The following CCNF variants were observed in gnomAD, a reference collection of about 807,000 sequenced individuals.
The protein encoded by CCNF is cyclin-F.
CCNF carries 30 observed loss-of-function variants against 85.4 expected under a neutral mutation model. The observed-to-expected ratio is 0.35, with a 90% CI of 0.26 to 0.48. The LOEUF (loss-of-function observed/expected upper bound fraction) is 0.48, where lower values mean the gene tolerates loss of function less well. CCNF is among the 20% of genes least tolerant of loss of function. The pLI, the probability that CCNF is intolerant of heterozygous loss-of-function variation, is 0.99. For missense variants in CCNF, 919 were observed against 1,010.4 expected (o/e 0.91, Z 1.23); for synonymous variants, 439 against 425.1 (o/e 1.03, Z -0.40).
In CCNF at chr16:2,453,167, T is replaced by TGG. The variant is rs758532080; in HGVS notation, c.1488-39_1488-38dup. ...CAGTGAACTGAAGCTAAAAATGGGG[T>TGG]GGGGGTGCCTCACATGTCCACTCCA... On this transcript the variant is annotated intron_variant, in intron 13 of 16. Coordinates refer to ENST00000397066, the MANE Select transcript of CCNF (RefSeq NM_001761.3). This position sits in a 1 kb window ranked among gnomAD's most constrained non-coding sequence, Gnocchi z 5.6. The TGG allele has an allele frequency of 6.5e-7, 1 of 1,546,054 alleles. No homozygotes were observed. The highest frequency in any genetic ancestry group is 8.9e-7 in the Non-Finnish European group (1 of 1,118,778).
intron 8 of CCNF, among the ~76,000 whole-genome samples, chr16:2,442,872 AT>A (rs2065337980): frequency 3.0e-5 from 1 of 33,430 alleles, no homozygotes; most frequent in Admixed American, 6.1e-4. Context: ...TATTATATAT[AT>A]TATATTATAA....
Position 2,452,093 on chromosome 16 carries a change from G to A in CCNF, c.1488-1117G>A, listed in dbSNP as rs985410601. Among the ~76,000 whole-genome samples the A allele has an allele frequency of 3.3e-5, 5 of 152,232 alleles. No homozygotes were observed. The highest frequency in any genetic ancestry group is 1.2e-4 in the African/African-American group (5 of 41,464). On this transcript the variant is annotated intron_variant, in intron 13 of 16. Transcript: ENST00000397066. The surrounding 1 kb of genome is among the most constrained non-coding windows in gnomAD (Gnocchi z 4.1). The stretch of plus-strand genomic sequence containing the variant: ...CTCGTGCGCTCACAGCTTGGGGACT[G>A]GAGCTATCCGTGGCGGCTGCCCGGC...
At chr16:2,439,854 G>C in intron 8 of CCNF, 28 bp downstream of exon 8, 1 of 1,597,340 alleles carries the variant, frequency 6.3e-7, no homozygotes, top group Non-Finnish European at 8.6e-7. Flanking sequence ...GATGACGTGG[G>C]GAGCTGGCCT....
intron 2 of CCNF, among the ~76,000 whole-genome samples, chr16:2,432,408 G>T (rs1050798996): frequency 3.9e-5 from 6 of 152,096 alleles, no homozygotes; most frequent in South Asian, 2.1e-4. Context: ...ACCCCAGGGG[G>T]TGCTGAATTT....
chr16:2,436,521 GGA>G (rs563726993), intron 4 of CCNF: 18 of 152,354 alleles, frequency 1.2e-4, no homozygotes, highest in African/African-American at 3.9e-4. Flanking sequence ...TGTCTTGCTG[GGA>G]GAGAGTCCCT....
intron 1 of CCNF, among the ~76,000 whole-genome samples, chr16:2,430,170 G>C (rs1168579205): frequency 1.3e-5 from 2 of 152,154 alleles, no homozygotes; most frequent in East Asian, 3.8e-4. Context: ...CAATCGCTAG[G>C]AAGTCCTAGC....
In CCNF at chr16:2,457,033, A is replaced by C. The variant is rs769508433; in HGVS notation, c.*13A>C. ...TGTGAGGCTGTAAGTGTGTCAGCACATTTGCCGCAGTGGATGTGTACTGAG... is the reference window on the plus strand; with the variant it reads ...TGTGAGGCTGTAAGTGTGTCAGCACCTTTGCCGCAGTGGATGTGTACTGAG... On this transcript the variant is annotated 3_prime_UTR_variant, in exon 17 of 17. Transcript: ENST00000397066. The C allele has an allele frequency of 4.5e-6, 7 of 1,558,232 alleles. No individual in the cohort carries two copies. Among genetic ancestry groups the C allele is most frequent in the Non-Finnish European group, 6.1e-6 (7 of 1,147,564 alleles).
intron 6 of CCNF, among the ~76,000 whole-genome samples, chr16:2,438,893 G>T (rs1369577973): frequency 1.3e-5 from 2 of 151,958 alleles, no homozygotes; most frequent in East Asian, 3.9e-4. Context: ...AGCTACTTGG[G>T]AGGCTGAGGC....
At position 2,443,835 on chromosome 16, in the gene CCNF, G is replaced by A. The variant is rs201815006; in HGVS notation, c.929+35G>A. On this transcript the variant is annotated intron_variant, in intron 9 of 16. Coordinates refer to ENST00000397066, the MANE Select transcript of CCNF (RefSeq NM_001761.3). ...TCAGGCCGGGGCTTCTAATCAGAGC[G>A]GCGCGGAAGCCAGCCTCCAGGGGAA... is the stretch of plus-strand genomic sequence containing the variant. 158 of 1,596,316 alleles carry A rather than the reference G, an allele frequency of 9.9e-5. 2 individuals carry two copies. The East Asian group carries it at 3.1e-3, about 31-fold the overall frequency.
At chr16:2,450,065 G>A (rs1006090200) in intron 13 of CCNF, 150 bp downstream of exon 13, 1 of 649,382 alleles carries the variant, frequency 1.5e-6, no homozygotes, top group Admixed American at 2.2e-5. Context: ...AAATTAGCCA[G>A]GCGTGGTGGT....
rs747867431 is a variant in CCNF, at chr16:2,449,929, G to A, written c.1487+14G>A. ...CCATAAGAAGTGGTGAGTTTTGGCCGGGCGCAGAGGCTCATGCCTGTAACC... is the reference window on the plus strand; with the variant it reads ...CCATAAGAAGTGGTGAGTTTTGGCCAGGCGCAGAGGCTCATGCCTGTAACC... On this transcript the variant is annotated intron_variant, in intron 13 of 16. Coordinates refer to ENST00000397066, the MANE Select transcript of CCNF (RefSeq NM_001761.3). 26 of 1,583,170 alleles carry A rather than the reference G, an allele frequency of 1.6e-5. No homozygotes were observed. The highest frequency in any genetic ancestry group is 2.2e-5 in the Non-Finnish European group (25 of 1,152,044).
intron 9 of CCNF, among the ~76,000 whole-genome samples, chr16:2,444,221 G>A (rs1380394083): frequency 5.4e-5 from 8 of 147,886 alleles, no homozygotes; most frequent in Non-Finnish European, 1.2e-4. Context: ...GCCCAGCCTT[G>A]GGTGTTTTTT....
Position 2,451,988 on chromosome 16 carries a change from A to C in CCNF, c.1488-1222A>C, listed in dbSNP as rs893091210. 6.6e-6 allele frequency among the ~76,000 whole-genome samples: 1 copy of C among 152,242 alleles called. No homozygotes were observed. The stretch of plus-strand genomic sequence containing the variant: ...TTCTGGCCCTGGTGGGTCGTGGTGC[A>C]TGAAGCCCTGTGTGCCCAGCTGAGG... On this transcript the variant is annotated intron_variant, in intron 13 of 16. Transcript: ENST00000397066. This position sits in a 1 kb window ranked among gnomAD's most constrained non-coding sequence, Gnocchi z 4.3.
intron 15 of CCNF, among the ~76,000 whole-genome samples, chr16:2,454,075 C>G (rs1244440050): frequency 6.6e-6 from 1 of 152,220 alleles, no homozygotes; most frequent in Non-Finnish European, 1.5e-5. Context: ...AGGGCCCTCC[C>G]TGTGCTGCTG....
chr16:2,447,854 G>A (rs1283061861), intron 10 of CCNF, among the ~76,000 whole-genome samples: 1 of 152,012 alleles, frequency 6.6e-6, no homozygotes, highest in African/African-American at 2.4e-5. Context: ...GGCTCTCATT[G>A]GCCACTGACA....
chr16:2,445,275 TG>T (rs1312119600), intron 9 of CCNF, 182 bp from the exon 10 acceptor site: 2 of 645,912 alleles, frequency 3.1e-6, no homozygotes, highest in East Asian at 5.4e-5. Context: ...GCTTTGGGGC[TG>T]GGACCCACGG....
At position 2,451,092 on chromosome 16, in the gene CCNF, C is replaced by T. The variant is rs2141828487; in HGVS notation, c.1487+1177C>T. Among the ~76,000 whole-genome samples, 1 of 152,364 alleles carries T rather than the reference C, an allele frequency of 6.6e-6. No homozygotes were observed. The highest frequency in any genetic ancestry group is 1.5e-5 in the Non-Finnish European group (1 of 68,042). ...ATCTAAGCCCCTTCACTCGCCCTGGCAGCTTCCCTTCAGCCCACGTTGGTT... is the reference window on the plus strand; with the variant it reads ...ATCTAAGCCCCTTCACTCGCCCTGGTAGCTTCCCTTCAGCCCACGTTGGTT... On this transcript the variant is annotated intron_variant, in intron 13 of 16. Transcript: ENST00000397066. This position sits in a 1 kb window ranked among gnomAD's most constrained non-coding sequence, Gnocchi z 4.3.
At chr16:2,439,850 G>T (rs376889526) in intron 8 of CCNF, 24 bp downstream of exon 8, 10 of 1,601,590 alleles carry the variant, frequency 6.2e-6, no homozygotes, top group Non-Finnish European at 8.6e-6. Context: ...CTGGGATGAC[G>T]TGGGGAGCTG....
At chr16:2,436,411 G>T (rs1352026648) in intron 4 of CCNF, 1 of 152,532 alleles carries the variant, frequency 6.6e-6, no homozygotes, top group African/African-American at 2.4e-5. Flanking sequence ...CTGCTTATCT[G>T]CTCAGCACCC....
Sources: allele counts gnomAD v4.1 joint callset (sites outside exome capture counted in the v4.1 genomes callset), GRCh38; gene constraint gnomAD v4.1.1; non-coding constraint Gnocchi (gnomAD v3.1); transcripts MANE v1.5; gene names NCBI Gene and HGNC (gene_info 2026-07-23, HGNC 2026-07-21).